CBLB: variants seen among roughly 807,000 people sequenced by gnomAD.
CBLB encodes Cbl proto-oncogene B.
CBLB carries 31 observed loss-of-function variants against 104.9 expected under a neutral mutation model. That is an observed-to-expected ratio of 0.30 (90% CI 0.22 to 0.40). The LOEUF (loss-of-function observed/expected upper bound fraction) is 0.40. CBLB is among the 10% of genes least tolerant of loss of function. CBLB has a pLI of 1.00. For missense variants in CBLB, 1,062 were observed against 1,214.6 expected (o/e 0.87, Z 1.87); for synonymous variants, 440 against 422.6 (o/e 1.04, Z -0.51).
chr3:105,810,980 C>T lies in CBLB; in HGVS notation c.420-34438G>A, dbSNP rs188600728. Among the ~76,000 whole-genome samples, 324 of 152,066 alleles carry T rather than the reference C, an allele frequency of 2.1e-3. 1 individual carries two copies. Among genetic ancestry groups the T allele is most frequent in the Non-Finnish European group, 3.5e-3 (241 of 67,958 alleles). ...ACATGTTTAAAATCCATTAGTTCTC[C>T]AGTTTTATTACTACTTTTTATTATC... is the stretch of plus-strand genomic sequence containing the variant. On this transcript the variant is annotated intron_variant, in intron 3 of 18. Transcript: ENST00000394030.
chr3:105,663,723 A>G (rs1179465360), intron 18 of CBLB, among the ~76,000 whole-genome samples: 1 of 152,152 alleles, frequency 6.6e-6, no homozygotes, highest in African/African-American at 2.4e-5. Context: ...ACTCTAGGTC[A>G]TACATTCTAG....
At chr3:105,729,371 T>C (rs2074050319) in intron 9 of CBLB, among the ~76,000 whole-genome samples, 1 of 151,910 alleles carries the variant, frequency 6.6e-6, no homozygotes, top group Non-Finnish European at 1.5e-5. Flanking sequence ...GAATGTTTCC[T>C]AAATAAATAA....
upstream of CBLB, chr3:105,869,260 G>C (rs1706757462): frequency 5.3e-6 from 4 of 755,920 alleles, no homozygotes; most frequent in South Asian, 5.7e-5. Flanking sequence ...GAAATGAGGG[G>C]CCTGGACTCT....
intron 10 of CBLB, among the ~76,000 whole-genome samples, chr3:105,714,823 C>T (rs764047407): frequency 1.3e-5 from 2 of 152,094 alleles, no homozygotes; most frequent in Non-Finnish European, 2.9e-5. Context: ...TTCTAATTAG[C>T]AAGATGTATT....
intron 17 of CBLB, among the ~76,000 whole-genome samples, chr3:105,677,467 T>C (rs954700717): frequency 2.0e-5 from 3 of 151,754 alleles, no homozygotes; most frequent in Non-Finnish European, 4.4e-5. Flanking sequence ...ATGAGGCATA[T>C]ACGTAGCTAA....
At chr3:105,822,919 T>G (rs921693782) in intron 3 of CBLB, among the ~76,000 whole-genome samples, 4 of 152,190 alleles carry the variant, frequency 2.6e-5, no homozygotes, top group African/African-American at 4.8e-5. Flanking sequence ...TCTCAAGCCT[T>G]GCCCTTCTCA....
chr3:105,861,111 T>A (rs1490626555), intron 2 of CBLB, among the ~76,000 whole-genome samples: 1 of 151,332 alleles, frequency 6.6e-6, no homozygotes, highest in Admixed American at 6.6e-5. Context: ...TTGAAAAAAA[T>A]TAGCAACCTA....
intron 4 of CBLB, among the ~76,000 whole-genome samples, chr3:105,759,393 T>A (rs778606673): frequency 1.3e-4 from 20 of 152,314 alleles, no homozygotes; most frequent in Admixed American, 3.9e-4. Context: ...GTCCCTGTCT[T>A]GAAGGTAGGG....
At chr3:105,728,530 C>A (rs982206068) in intron 9 of CBLB, among the ~76,000 whole-genome samples, 3 of 152,188 alleles carry the variant, frequency 2.0e-5, no homozygotes, top group Non-Finnish European at 4.4e-5. Context: ...TGCAGAATCA[C>A]TGCTGCATAA....
At chr3:105,831,237 C>T (rs2087463543) in intron 3 of CBLB, among the ~76,000 whole-genome samples, 1 of 152,202 alleles carries the variant, frequency 6.6e-6, no homozygotes, top group African/African-American at 2.4e-5. Flanking sequence ...TATGCTTTCA[C>T]ATATTGTATT....
At chr3:105,693,254 T>C (rs1421609004) in intron 13 of CBLB, among the ~76,000 whole-genome samples, 1 of 152,084 alleles carries the variant, frequency 6.6e-6, no homozygotes, top group Non-Finnish European at 1.5e-5. Context: ...ATGCGTAGCT[T>C]TCTCTCCCTG....
rs990002657 is a variant in CBLB, at chr3:105,860,857, G to A, written c.168+6553C>T. On this transcript the variant is annotated intron_variant, in intron 2 of 18. Transcript: ENST00000394030. ...GCAGAAAAGCAGGAAATAAGGCTAA[G>A]CCCAGGTCAGTGTTCCTGTCAGCTG... Among the ~76,000 whole-genome samples the A allele has an allele frequency of 2.4e-4, 36 of 152,158 alleles. 1 individual carries two copies. Among genetic ancestry groups the A allele is most frequent in the Admixed American group, 2.2e-3 (34 of 15,276 alleles).
chr3:105,758,079 A>G (rs182377500), intron 4 of CBLB, among the ~76,000 whole-genome samples: 16 of 152,340 alleles, frequency 1.1e-4, no homozygotes, highest in African/African-American at 3.4e-4. Context: ...GTATACAGTT[A>G]TTCCTTAAAT....
intron 10 of CBLB, among the ~76,000 whole-genome samples, chr3:105,710,915 C>A (rs1421413676): frequency 6.6e-6 from 1 of 151,818 alleles, no homozygotes; most frequent in Non-Finnish European, 1.5e-5. Context: ...GACAGAAAAA[C>A]CCTAAGAAGT....
intron 4 of CBLB, among the ~76,000 whole-genome samples, chr3:105,754,826 CCTAT>C (rs1257124531): frequency 6.6e-6 from 1 of 152,082 alleles, no homozygotes; most frequent in Non-Finnish European, 1.5e-5. Flanking sequence ...CTTACTACCA[CCTAT>C]CTATTACACA....
At chr3:105,666,975 T>TTG (rs1270075635) in intron 18 of CBLB, among the ~76,000 whole-genome samples, 1 of 152,188 alleles carries the variant, frequency 6.6e-6, no homozygotes, top group East Asian at 1.9e-4. Context: ...TTGCGTGAAG[T>TTG]GAAGCCACGA....
At chr3:105,723,732 T>G (rs183871987) in intron 9 of CBLB, among the ~76,000 whole-genome samples, 199 of 152,206 alleles carry the variant, frequency 1.3e-3, no homozygotes, top group Middle Eastern at 3.4e-3. Context: ...CATACTTTGT[T>G]TAAATATTGC....
chr3:105,719,853 C>G (rs1191194861), intron 10 of CBLB, among the ~76,000 whole-genome samples, 194 bp downstream of exon 10: 1 of 152,212 alleles, frequency 6.6e-6, no homozygotes, highest in East Asian at 1.9e-4. Context: ...CCCCTGAAGA[C>G]CTTCCAGTGG....
At chr3:105,751,899 A>G (rs2076625755) in intron 4 of CBLB, among the ~76,000 whole-genome samples, 1 of 152,214 alleles carries the variant, frequency 6.6e-6, no homozygotes, top group African/African-American at 2.4e-5. Context: ...GAAAAAAGGT[A>G]TTAGGTCAAA....
Sources: gnomAD v4.1 joint callset for allele counts (sites outside exome capture counted in the v4.1 genomes callset) on GRCh38, gnomAD v4.1.1 for gene constraint, MANE v1.5 for transcripts, NCBI Gene and HGNC (gene_info 2026-07-23, HGNC 2026-07-21) for gene names.